Variants in PLPP4 observed in about 807,000 individuals in gnomAD.
PLPP4 encodes phospholipid phosphatase 4.
A neutral mutation model predicts 32.2 loss-of-function variants in PLPP4; 20 were observed. The ratio of observed to expected loss-of-function variants is 0.62; its 90% confidence interval spans 0.44 to 0.90. The LOEUF (loss-of-function observed/expected upper bound fraction) is 0.90, where lower values mean the gene tolerates loss of function less well. PLPP4 is among the 40% of genes least tolerant of loss of function. The pLI, the probability that PLPP4 is intolerant of heterozygous loss-of-function variation, is 0.00. For missense variants in PLPP4, 257 were observed against 353.1 expected (o/e 0.73, Z 2.18); for synonymous variants, 127 against 133.0 (o/e 0.95, Z 0.31).
At chr10:120,491,595 T>C (rs1472946182) in intron 1 of PLPP4, among the ~76,000 whole-genome samples, 1 of 152,254 alleles carries the variant, frequency 6.6e-6, no homozygotes, top group Non-Finnish European at 1.5e-5. Context: ...GTTTCTTTAG[T>C]TGGTAAAACA....
In PLPP4 at chr10:120,536,647, A is replaced by G. The variant is rs1847031603; in HGVS notation, c.445+15552A>G. ...TTGGTCTTCTTGGCAATGGTTTTTT[A>G]GCATATGATACCTAAAGCACAGGCA... On this transcript the variant is annotated intron_variant, in intron 5 of 6. Transcript: ENST00000398250. 6.8e-5 allele frequency among the ~76,000 whole-genome samples: 10 copies of G among 146,088 alleles called. No individual in the cohort carries two copies. In the South Asian group the frequency reaches 2.3e-3, roughly 33 times the overall value.
chr10:120,565,339 T>A (rs1337748965), intron 5 of PLPP4, among the ~76,000 whole-genome samples: 1 of 136,010 alleles, frequency 7.4e-6, no homozygotes, highest in African/African-American at 2.6e-5. Context: ...TGTGTGTGTG[T>A]GTGTGTGTGT....
intron 5 of PLPP4, among the ~76,000 whole-genome samples, chr10:120,529,204 G>C (rs551065309): frequency 6.6e-6 from 1 of 151,928 alleles, no homozygotes; most frequent in Admixed American, 6.6e-5. Context: ...GTGTGTGTGC[G>C]TGCATGTGTA....
intron 2 of PLPP4, among the ~76,000 whole-genome samples, chr10:120,508,959 G>C (rs1845617021): frequency 6.6e-6 from 1 of 152,248 alleles, no homozygotes; most frequent in African/African-American, 2.4e-5. Context: ...GTTGGATCCT[G>C]TTGGTGGGCA....
chr10:120,481,755 G>A (rs1844216495), intron 1 of PLPP4, among the ~76,000 whole-genome samples: 1 of 152,218 alleles, frequency 6.6e-6, no homozygotes. Context: ...AGATTCTACT[G>A]TGCTGCCATT....
At chr10:120,496,863 G>A (rs1202256575) in intron 1 of PLPP4, among the ~76,000 whole-genome samples, 1 of 149,570 alleles carries the variant, frequency 6.7e-6, no homozygotes, top group Non-Finnish European at 1.5e-5. Context: ...ATGGGAGTGA[G>A]AGAGAGAGAG....
chr10:120,486,129 G>A (rs1261186693), intron 1 of PLPP4, among the ~76,000 whole-genome samples: 3 of 152,198 alleles, frequency 2.0e-5, no homozygotes, highest in Admixed American at 1.3e-4. Context: ...CTTGGTGTCC[G>A]GGTTGAGGCC....
At chr10:120,571,927 A>C (rs954121647) in intron 5 of PLPP4, among the ~76,000 whole-genome samples, 2 of 152,184 alleles carry the variant, frequency 1.3e-5, no homozygotes, top group African/African-American at 2.4e-5. Flanking sequence ...TGACAAGCAT[A>C]AGGTTTAGCA....
intron 5 of PLPP4, among the ~76,000 whole-genome samples, chr10:120,568,257 G>A (rs1466088364): frequency 1.3e-5 from 2 of 152,204 alleles, no homozygotes; most frequent in Non-Finnish European, 2.9e-5. Flanking sequence ...TTAATGCAAA[G>A]GCCATTTATA....
chr10:120,547,217 A>G (rs1049083230), intron 5 of PLPP4, among the ~76,000 whole-genome samples: 7 of 152,112 alleles, frequency 4.6e-5, no homozygotes, highest in African/African-American at 1.4e-4. Flanking sequence ...TTAAACCCTA[A>G]TATTTCTTGA....
At chr10:120,535,047 C>A (rs60499044) in intron 5 of PLPP4, among the ~76,000 whole-genome samples, 1 of 151,930 alleles carries the variant, frequency 6.6e-6, no homozygotes, top group Non-Finnish European at 1.5e-5. Flanking sequence ...TGGAGACCAG[C>A]GAATTTAGGT....
chr10:120,532,412 A>C (rs1025477265), intron 5 of PLPP4, among the ~76,000 whole-genome samples: 15 of 152,174 alleles, frequency 9.9e-5, no homozygotes, highest in African/African-American at 3.6e-4. Flanking sequence ...ATTATATTAG[A>C]TCTTGACATC....
At chr10:120,482,714 C>T (rs1186731984) in intron 1 of PLPP4, among the ~76,000 whole-genome samples, 5 of 151,064 alleles carry the variant, frequency 3.3e-5, no homozygotes, top group Admixed American at 2.0e-4. Flanking sequence ...ACCATCCTGG[C>T]GAACAGGGTG....
chr10:120,514,448 G>A (rs1028097018), intron 3 of PLPP4, among the ~76,000 whole-genome samples: 1 of 152,268 alleles, frequency 6.6e-6, no homozygotes, highest in East Asian at 1.9e-4. Context: ...GCAAATGCGG[G>A]AGTAAAATAA....
chr10:120,539,825 C>T (rs1847249580), intron 5 of PLPP4, among the ~76,000 whole-genome samples: 1 of 151,904 alleles, frequency 6.6e-6, no homozygotes, highest in African/African-American at 2.4e-5. Flanking sequence ...GGAGGAAGGA[C>T]CTTTGCTTTC....
chr10:120,505,122 C>T (rs996439264), intron 2 of PLPP4, among the ~76,000 whole-genome samples: 9 of 152,196 alleles, frequency 5.9e-5, no homozygotes, highest in Non-Finnish European at 1.2e-4. Context: ...AGGAAGATGT[C>T]ATTATTGTCC....
In PLPP4 at chr10:120,580,871, T is replaced by G. The variant is rs966688213; in HGVS notation, c.616+5570T>G. 8 of 1,288,722 alleles carry G rather than the reference T, an allele frequency of 6.2e-6. No homozygotes were observed. The African/African-American group carries it at 1.1e-4, about 17-fold the overall frequency. The allele number at this position is 1,288,722 out of a possible 1,614,324, so 79.8% of individuals were successfully genotyped here. ...TCTAATATCCTCAGCCCAAGTGAATTGATGTCACCTCATTTTCCCTCCACA... is the reference window on the plus strand; with the variant it reads ...TCTAATATCCTCAGCCCAAGTGAATGGATGTCACCTCATTTTCCCTCCACA... On this transcript the variant is annotated intron_variant, in intron 6 of 6. Coordinates refer to ENST00000398250, the MANE Select transcript of PLPP4 (RefSeq NM_001030059.3).
intron 1 of PLPP4, among the ~76,000 whole-genome samples, chr10:120,462,858 C>T (rs953467449): frequency 1.3e-5 from 2 of 152,024 alleles, no homozygotes; most frequent in Non-Finnish European, 2.9e-5. Flanking sequence ...CAGGCGGTGG[C>T]CCTGTAGAAC....
intron 5 of PLPP4, among the ~76,000 whole-genome samples, chr10:120,557,143 G>A (rs1346785641): frequency 6.6e-6 from 1 of 152,244 alleles, no homozygotes; most frequent in Non-Finnish European, 1.5e-5. Context: ...GTAACAAATG[G>A]CCAGTCTCAG....
Sources: gnomAD v4.1 joint callset for allele counts (sites outside exome capture counted in the v4.1 genomes callset) on GRCh38, gnomAD v4.1.1 for gene constraint, MANE v1.5 for transcripts, NCBI Gene and HGNC (gene_info 2026-07-23, HGNC 2026-07-21) for gene names.